SQOR: variants seen among roughly 807,000 people sequenced by gnomAD.
The protein encoded by SQOR is sulfide:quinone oxidoreductase, mitochondrial.
In SQOR, 39 loss-of-function variants were observed where a neutral mutation model predicts 48.6. The observed-to-expected ratio is 0.80, with a 90% CI of 0.62 to 1.05. SQOR has a LOEUF of 1.05. SQOR is among the 50% of genes least tolerant of loss of function. The pLI, the probability that SQOR is intolerant of heterozygous loss-of-function variation, is 0.00. For missense variants in SQOR, 561 were observed against 559.9 expected, an observed-to-expected ratio of 1.00 and a Z score of -0.02; for synonymous variants, 220 against 206.2, an observed-to-expected ratio of 1.07 and a Z score of -0.57.
intron 7 of SQOR, among the ~76,000 whole-genome samples, chr15:45,685,219 A>G (rs967004248): frequency 3.9e-5 from 6 of 152,082 alleles, no homozygotes; most frequent in Non-Finnish European, 8.8e-5. Flanking sequence ...TCAATGTCCA[A>G]ATTACAATAG....
Position 45,661,995 on chromosome 15 carries a change from G to T in SQOR, c.275G>T (p.Gly92Val), listed in dbSNP as rs751360058. 2 of 1,614,178 alleles carry T rather than the reference G, an allele frequency of 1.2e-6. No individual in the cohort carries two copies. The highest frequency in any genetic ancestry group is 1.7e-6 in the Non-Finnish European group (2 of 1,180,010). The change falls in exon 3 of 10, where the codon GGT becomes GTT. Residue 92 changes from glycine to valine, a missense_variant. Coordinates refer to ENST00000260324, the MANE Select transcript of SQOR (RefSeq NM_021199.4). ...CCAATCTGGACACTGGTGGGTGCTGGTGCCAAACAATTGTCCTCATCTGGT... is the reference window on the plus strand; with the variant it reads ...CCAATCTGGACACTGGTGGGTGCTGTTGCCAAACAATTGTCCTCATCTGGT... Reference protein sequence around the residue: ...YQPIWTLVGAGAKQLSSSGRP... With the variant: ...YQPIWTLVGAVAKQLSSSGRP...
chr15:45,662,179 G>A, intron 3 of SQOR, 54 bp downstream of exon 3: 1 of 1,586,912 alleles, frequency 6.3e-7, no homozygotes, highest in East Asian at 2.2e-5. Context: ...GTATTAATAT[G>A]CAGCCATCTT....
At chr15:45,688,297 T>C (rs1372246456) in intron 7 of SQOR, 40 bp from the exon 8 acceptor site, 5 of 1,453,200 alleles carry the variant, frequency 3.4e-6, no homozygotes, top group Non-Finnish European at 4.7e-6. Flanking sequence ...TGGAAAACCT[T>C]GATGCTTACA....
chr15:45,676,895 G>A (rs1412641484), intron 6 of SQOR, among the ~76,000 whole-genome samples: 1 of 152,114 alleles, frequency 6.6e-6, no homozygotes, highest in African/African-American at 2.4e-5. Flanking sequence ...ACAAAAATTA[G>A]CTGGGCGTGG....
At chr15:45,669,273 G>A (rs1382298348) in intron 3 of SQOR, among the ~76,000 whole-genome samples, 4 of 151,702 alleles carry the variant, frequency 2.6e-5, no homozygotes, top group Non-Finnish European at 4.4e-5. Flanking sequence ...AGGCTCAAGC[G>A]ATTCTCCCAC....
At chr15:45,662,344 G>A (rs1338030471) in intron 3 of SQOR, among the ~76,000 whole-genome samples, 1 of 152,182 alleles carries the variant, frequency 6.6e-6, no homozygotes, top group East Asian at 1.9e-4. Flanking sequence ...ACTAAGATAA[G>A]TATTTGTTGA....
At chr15:45,643,948 C>A (rs1207277322) in intron 1 of SQOR, among the ~76,000 whole-genome samples, 1 of 152,082 alleles carries the variant, frequency 6.6e-6, no homozygotes, top group Middle Eastern at 3.4e-3. Flanking sequence ...GCGGTTACTG[C>A]CTTAAAAACT....
intron 3 of SQOR, among the ~76,000 whole-genome samples, chr15:45,669,319 G>A (rs1440163932): frequency 6.6e-6 from 1 of 151,692 alleles, no homozygotes; most frequent in Non-Finnish European, 1.5e-5. Context: ...GCATGCCACC[G>A]CACCTAGGTA....
At chr15:45,649,027 A>G (rs868128214) in intron 1 of SQOR, among the ~76,000 whole-genome samples, 1 of 152,258 alleles carries the variant, frequency 6.6e-6, no homozygotes, top group Admixed American at 6.5e-5. Context: ...TGAATCTTTC[A>G]TTAAGAATGC....
chr15:45,688,484 C>A, intron 8 of SQOR, 80 bp downstream of exon 8: 2 of 1,053,194 alleles, frequency 1.9e-6, no homozygotes, highest in Non-Finnish European at 2.7e-6. Context: ...CACAATTTTG[C>A]ACTTTCTGTC....
intron 5 of SQOR, among the ~76,000 whole-genome samples, chr15:45,674,923 G>A (rs192752455): frequency 6.6e-6 from 1 of 152,300 alleles, no homozygotes; most frequent in East Asian, 1.9e-4. Context: ...GGGGAAGAAC[G>A]GGCTGGGGAG....
chr15:45,636,100 A>G (rs1894999768), intron 1 of SQOR, among the ~76,000 whole-genome samples: 1 of 152,154 alleles, frequency 6.6e-6, no homozygotes, highest in Non-Finnish European at 1.5e-5. Flanking sequence ...AAGTGCTGGG[A>G]TTACACGAGT....
intron 1 of SQOR, 54 bp from the exon 2 acceptor site, chr15:45,658,853 A>G (rs1889664314): frequency 7.5e-7 from 1 of 1,337,304 alleles, no homozygotes; most frequent in Non-Finnish European, 9.9e-7. Context: ...AAAACGCTTC[A>G]GTCCCACGAT....
intron 6 of SQOR, among the ~76,000 whole-genome samples, chr15:45,677,408 AT>A (rs1469200175): frequency 6.6e-6 from 1 of 152,156 alleles, no homozygotes; most frequent in African/African-American, 2.4e-5. Flanking sequence ...CACAGATACA[AT>A]TTTTTAACTT....
intron 3 of SQOR, among the ~76,000 whole-genome samples, chr15:45,662,329 A>G (rs1484175951): frequency 6.6e-6 from 1 of 152,222 alleles, no homozygotes; most frequent in Non-Finnish European, 1.5e-5. Context: ...TTGAGTTAAT[A>G]AACAACTAAG....
At chr15:45,660,896 G>A (rs1364405273) in intron 2 of SQOR, among the ~76,000 whole-genome samples, 1 of 152,082 alleles carries the variant, frequency 6.6e-6, no homozygotes, top group Non-Finnish European at 1.5e-5. Context: ...TTGGTCCCCA[G>A]TCTACTCTAA....
chr15:45,682,471 T>C lies in SQOR; in HGVS notation c.865-7T>C. ...AATGAAAATGTGGATTCTCTCTTTG[T>C]GTGTAGTATGAAATGCTTCATGTCA... On this transcript the variant is annotated splice_polypyrimidine_tract_variant and splice_region_variant and intron_variant, in intron 6 of 9. Transcript: ENST00000260324. 1 of 1,613,818 alleles carries C rather than the reference T, an allele frequency of 6.2e-7. No individual in the cohort carries two copies. Among genetic ancestry groups the C allele is most frequent in the African/African-American group, 1.3e-5 (1 of 75,034 alleles).
chr15:45,685,970 C>G (rs962551930), intron 7 of SQOR, among the ~76,000 whole-genome samples: 13 of 147,968 alleles, frequency 8.8e-5, no homozygotes, highest in African/African-American at 3.3e-4. Flanking sequence ...CCCACCCCCC[C>G]ACCCAAGTAG....
chr15:45,647,311 CA>C (rs1889360973), intron 1 of SQOR, among the ~76,000 whole-genome samples: 1 of 149,470 alleles, frequency 6.7e-6, no homozygotes, highest in Non-Finnish European at 1.5e-5. Flanking sequence ...CCATGGGATT[CA>C]ACCAAGCTAC....
Sources: gnomAD v4.1 joint callset for allele counts (sites outside exome capture counted in the v4.1 genomes callset) on GRCh38, gnomAD v4.1.1 for gene constraint, MANE v1.5 for transcripts, NCBI Gene and HGNC (gene_info 2026-07-23, HGNC 2026-07-21) for gene names.